Variants in FBXL4 observed in about 807,000 individuals in gnomAD.
FBXL4 encodes the protein F-box and leucine rich repeat protein 4, also known as F-box/LRR-repeat protein 4.
A neutral mutation model predicts 58.9 loss-of-function variants in FBXL4; 40 were observed. The observed-to-expected ratio is 0.68, with a 90% CI of 0.53 to 0.88. FBXL4 has a LOEUF of 0.88. Ranked by LOEUF, FBXL4 falls within the 40% of genes least tolerant of loss-of-function variation. FBXL4 has a pLI of 0.00. For synonymous variants in FBXL4, 263 were observed against 265.5 expected (o/e 0.99, Z 0.09); for missense variants, 676 against 734.4 (o/e 0.92, Z 0.92).
rs11537982 is a variant in FBXL4 at position 98,875,548 on chromosome 6, C to T, written c.1569G>A (p.Gly523=). 107,012 of 1,614,018 alleles carry T rather than the reference C, an allele frequency of 0.066. 3,800 individuals carry two copies. The highest frequency in any genetic ancestry group is 0.073 in the Middle Eastern group (442 of 6,060). ...GCTGGTGTGCCAGTCTGGTGAAGCA[C>T]CCGGTGCTGCTCTGCAGAGTTGGGC... ...GWCPTLQSST[G]CFTRLAHQLP... is the part of the protein sequence containing the mutation. The change falls in exon 9 of 10, where the codon GGG becomes GGA. Residue 523 remains glycine (G), a synonymous_variant. Transcript: ENST00000369244.
intron 2 of FBXL4, among the ~76,000 whole-genome samples, chr6:98,930,590 A>G (rs1158398884): frequency 6.6e-6 from 1 of 152,190 alleles, no homozygotes; most frequent in Non-Finnish European, 1.5e-5. Context: ...TTATTCAAAC[A>G]TTTCACCTAC....
intron 7 of FBXL4, among the ~76,000 whole-genome samples, chr6:98,887,717 T>C (rs1435260991): frequency 1.3e-5 from 2 of 152,212 alleles, no homozygotes; most frequent in African/African-American, 2.4e-5. Flanking sequence ...TGAGATCAAA[T>C]GCTGAGACCA....
At chr6:98,901,407 T>A (rs771254899) in intron 6 of FBXL4, among the ~76,000 whole-genome samples, 1 of 151,904 alleles carries the variant, frequency 6.6e-6, no homozygotes, top group Non-Finnish European at 1.5e-5. Flanking sequence ...AGATCAGAGA[T>A]GAGGGACAGT....
chr6:98,930,950 G>C (rs1772990109), intron 2 of FBXL4, among the ~76,000 whole-genome samples: 1 of 152,144 alleles, frequency 6.6e-6, no homozygotes, highest in Non-Finnish European at 1.5e-5. Flanking sequence ...TAAAATTTAG[G>C]AAATAAAGAA....
At chr6:98,942,948 C>G (rs1227943490) in intron 1 of FBXL4, among the ~76,000 whole-genome samples, 2 of 151,936 alleles carry the variant, frequency 1.3e-5, no homozygotes, top group Non-Finnish European at 2.9e-5. Context: ...AGAGATAAAC[C>G]CAATTTTGTA....
chr6:98,928,853 A>T (rs182963790), intron 2 of FBXL4, among the ~76,000 whole-genome samples: 1 of 151,766 alleles, frequency 6.6e-6, no homozygotes, highest in Admixed American at 6.6e-5. Flanking sequence ...AGTTCTAACC[A>T]CTCTTCGTAT....
At chr6:98,896,305 C>T (rs1349651048) in intron 7 of FBXL4, among the ~76,000 whole-genome samples, 7 of 152,264 alleles carry the variant, frequency 4.6e-5, no homozygotes, top group South Asian at 4.1e-4. Flanking sequence ...GGTGACATAA[C>T]GCTTTGCTTA....
chr6:98,906,011 G>A (rs1397148739), intron 5 of FBXL4, among the ~76,000 whole-genome samples: 2 of 152,072 alleles, frequency 1.3e-5, no homozygotes, highest in South Asian at 2.1e-4. Flanking sequence ...AGAAAAGAAA[G>A]AGTGCCCATT....
intron 8 of FBXL4, among the ~76,000 whole-genome samples, chr6:98,878,921 T>C (rs181329371): frequency 7.6e-4 from 116 of 152,274 alleles, no homozygotes; most frequent in African/African-American, 2.7e-3. Flanking sequence ...TGGCTTACTA[T>C]GGAAAGAATT....
At chr6:98,889,468 G>A (rs1771149091) in intron 7 of FBXL4, among the ~76,000 whole-genome samples, 1 of 152,066 alleles carries the variant, frequency 6.6e-6, no homozygotes, top group South Asian at 2.1e-4. Flanking sequence ...GATCACTTGA[G>A]CTCAGGAGTT....
In FBXL4 at chr6:98,926,500, G is replaced by T; in HGVS notation, c.489C>A (p.Ser163=). 1.2e-6 allele frequency: 2 copies of T among 1,608,362 alleles called. No homozygotes were observed. The highest frequency in any genetic ancestry group is 1.7e-6 in the Non-Finnish European group (2 of 1,175,882). ...RILACSANPY[S]PNPPAEVRWE... is the part of the protein sequence containing the mutation. ...ACCTTACTTCAGCTGGTGGATTTGG[G>T]GAATAAGGATTTGCAGAACAAGCGA... Residue 163 remains serine (S), a synonymous_variant, in exon 4 of 10, where the codon TCC becomes TCA. Transcript: ENST00000369244.
At chr6:98,938,415 G>T (rs1773304627) in intron 1 of FBXL4, among the ~76,000 whole-genome samples, 1 of 152,084 alleles carries the variant, frequency 6.6e-6, no homozygotes, top group South Asian at 2.1e-4. Context: ...GTGGAGTTCT[G>T]GGTGGCCAGG....
At chr6:98,942,748 T>C (rs1396755956) in intron 1 of FBXL4, among the ~76,000 whole-genome samples, 1 of 152,062 alleles carries the variant, frequency 6.6e-6, no homozygotes, top group Non-Finnish European at 1.5e-5. Flanking sequence ...GGGAACAGAA[T>C]ATTACAACTA....
intron 4 of FBXL4, among the ~76,000 whole-genome samples, chr6:98,918,387 C>A (rs1364188137): frequency 1.3e-5 from 2 of 152,120 alleles, no homozygotes; most frequent in Non-Finnish European, 2.9e-5. Context: ...CCAGATTAAT[C>A]ATTATTTTCC....
chr6:98,906,321 C>T (rs1343632910), intron 5 of FBXL4, among the ~76,000 whole-genome samples: 2 of 151,922 alleles, frequency 1.3e-5, no homozygotes, highest in African/African-American at 2.4e-5. Context: ...GTTATCCCTC[C>T]CCTAGCCCCA....
At chr6:98,884,589 C>T (rs1770968121) in intron 7 of FBXL4, among the ~76,000 whole-genome samples, 1 of 152,118 alleles carries the variant, frequency 6.6e-6, no homozygotes, top group East Asian at 1.9e-4. Flanking sequence ...TTTTCCTCTG[C>T]AGGTAATATA....
At chr6:98,893,354 A>G (rs1438547110) in intron 7 of FBXL4, among the ~76,000 whole-genome samples, 1 of 152,118 alleles carries the variant, frequency 6.6e-6, no homozygotes, top group East Asian at 1.9e-4. Context: ...GTGTCAACAG[A>G]GTTGGTTTCC....
At chr6:98,881,640 T>G (rs928147849) in intron 7 of FBXL4, among the ~76,000 whole-genome samples, 2 of 152,056 alleles carry the variant, frequency 1.3e-5, no homozygotes, top group African/African-American at 4.8e-5. Flanking sequence ...AAAATATTTC[T>G]CAAATGTAAG....
Position 98,904,899 on chromosome 6 carries a change from C to T in FBXL4, c.1103+527G>A, listed in dbSNP as rs180755345. Among the ~76,000 whole-genome samples, 40 of 152,202 alleles carry T rather than the reference C, an allele frequency of 2.6e-4. No individual in the cohort carries two copies. The East Asian group carries it at 5.0e-3, about 19-fold the overall frequency. ...AACTAAATGCTTAAATAGAAAGGAG[C>T]GGAAACACCTGGGCAGGTCTGCAAG... On this transcript the variant is annotated intron_variant, in intron 6 of 9. Transcript: ENST00000369244.
Sources: gnomAD v4.1 joint callset for allele counts (sites outside exome capture counted in the v4.1 genomes callset) on GRCh38, gnomAD v4.1.1 for gene constraint, MANE v1.5 for transcripts, NCBI Gene and HGNC (gene_info 2026-07-23, HGNC 2026-07-21) for gene names.